The following DGKB variants were observed in gnomAD, a reference collection of about 807,000 sequenced individuals.
DGKB encodes the protein diacylglycerol kinase beta.
In DGKB, 67 loss-of-function variants were observed where a neutral mutation model predicts 114.3. The ratio of observed to expected loss-of-function variants is 0.59; its 90% CI spans 0.48 to 0.72. The LOEUF is 0.72. Among genes scored for constraint, DGKB ranks in the 30% least tolerant of loss-of-function variants. The pLI is 0.00. For synonymous variants in DGKB, 398 were observed against 323.1 expected, an observed-to-expected ratio of 1.23 and a Z score of -2.49; for missense variants, 907 against 975.2, an observed-to-expected ratio of 0.93 and a Z score of 0.93.
At chr7:14,880,603 C>T (rs545925013) in intron 1 of DGKB, among the ~76,000 whole-genome samples, 7 of 152,180 alleles carry the variant, frequency 4.6e-5, no homozygotes, top group Non-Finnish European at 8.8e-5. Context: ...ATTGCATCCT[C>T]ATGCCATAAG....
rs73287031 is a variant in DGKB at position 14,912,884 on chromosome 7, G to A, written c.-188+61812C>T. ...TGTCTCGTACAGAAAGCACTTCTCTGTTCCTTTTAAGTTATCCCTCATTAT... is the reference window on the plus strand; with the variant it reads ...TGTCTCGTACAGAAAGCACTTCTCTATTCCTTTTAAGTTATCCCTCATTAT... On this transcript the variant is annotated intron_variant, in intron 1 of 4. Transcript: ENST00000437998. 4.2e-3 allele frequency among the ~76,000 whole-genome samples: 641 copies of A among 152,204 alleles called. 8 individuals carry two copies. The highest frequency in any genetic ancestry group is 0.015 in the African/African-American group (605 of 41,536).
chr7:14,885,949 GA>G (rs1854986123), intron 1 of DGKB, among the ~76,000 whole-genome samples: 2 of 150,888 alleles, frequency 1.3e-5, no homozygotes, highest in South Asian at 2.1e-4. Flanking sequence ...GGCTAATTTA[GA>G]AAAAAATAAA....
At chr7:14,719,164 T>G (rs1585946768) in intron 5 of DGKB, among the ~76,000 whole-genome samples, 1 of 152,296 alleles carries the variant, frequency 6.6e-6, no homozygotes, top group East Asian at 1.9e-4. Context: ...GTTTCAAATA[T>G]TTGCCAATAC....
chr7:14,832,167 T>TA (rs1846509774), intron 2 of DGKB, among the ~76,000 whole-genome samples: 1 of 152,026 alleles, frequency 6.6e-6, no homozygotes, highest in Non-Finnish European at 1.5e-5. Context: ...TTGAGAAAAT[T>TA]AAAGTTTAGA....
chr7:14,600,883 A>T (rs568663286), intron 17 of DGKB, among the ~76,000 whole-genome samples: 1 of 152,246 alleles, frequency 6.6e-6, no homozygotes, highest in East Asian at 1.9e-4. Context: ...CACTTGTTAG[A>T]GTTGAATGCC....
At chr7:14,155,287 C>CCT (rs1782838640) in intron 25 of DGKB, among the ~76,000 whole-genome samples, 1 of 152,018 alleles carries the variant, frequency 6.6e-6, no homozygotes, top group Non-Finnish European at 1.5e-5. Context: ...TAGGTACCAG[C>CCT]CTACCTTATT....
chr7:14,230,844 G>GTTCAGT (rs1333079281), intron 23 of DGKB, among the ~76,000 whole-genome samples: 1 of 151,956 alleles, frequency 6.6e-6, no homozygotes, highest in Non-Finnish European at 1.5e-5. Flanking sequence ...TTACTACTAA[G>GTTCAGT]TCAAAGTACC....
At chr7:14,216,703 G>A (rs1584510686) in intron 23 of DGKB, among the ~76,000 whole-genome samples, 1 of 139,058 alleles carries the variant, frequency 7.2e-6, no homozygotes, top group African/African-American at 2.7e-5. Flanking sequence ...TCCAACCTGG[G>A]TGACAGAGCA....
At chr7:14,799,637 C>A (rs745984015) in intron 2 of DGKB, among the ~76,000 whole-genome samples, 1 of 152,084 alleles carries the variant, frequency 6.6e-6, no homozygotes, top group Admixed American at 6.5e-5. Context: ...GTACCTCTAA[C>A]GGGCCTATTT....
chr7:14,629,507 A>C (rs910830492), intron 14 of DGKB, among the ~76,000 whole-genome samples: 24 of 152,060 alleles, frequency 1.6e-4, no homozygotes, highest in African/African-American at 5.5e-4. Context: ...CATTCATATA[A>C]GCAATACTTT....
chr7:14,952,330 T>A (rs1786247434), intron 1 of DGKB, among the ~76,000 whole-genome samples: 1 of 152,036 alleles, frequency 6.6e-6, no homozygotes, highest in South Asian at 2.1e-4. Context: ...GGTACTTTGA[T>A]ATGACAGTCA....
intron 1 of DGKB, among the ~76,000 whole-genome samples, chr7:14,913,782 G>A (rs1490627935): frequency 6.6e-6 from 1 of 152,018 alleles, no homozygotes; most frequent in Non-Finnish European, 1.5e-5. Flanking sequence ...AACATATAAA[G>A]GGCATGGAAG....
chr7:14,361,058 C>T (rs1475501306), intron 21 of DGKB, among the ~76,000 whole-genome samples: 1 of 151,962 alleles, frequency 6.6e-6, no homozygotes, highest in Non-Finnish European at 1.5e-5. Context: ...TGAAGACTAC[C>T]ACAGCTTCAC....
intron 21 of DGKB, among the ~76,000 whole-genome samples, chr7:14,445,980 A>T (rs1319741327): frequency 1.3e-5 from 2 of 152,126 alleles, no homozygotes; most frequent in African/African-American, 4.8e-5. Context: ...TTTTACTTTT[A>T]AATTAAATTT....
chr7:14,346,285 A>G (rs1583315528), intron 21 of DGKB, among the ~76,000 whole-genome samples: 1 of 152,018 alleles, frequency 6.6e-6, no homozygotes, highest in East Asian at 1.9e-4. Context: ...ATTCAAGCCT[A>G]TTATTGGTTT....
intron 17 of DGKB, among the ~76,000 whole-genome samples, chr7:14,599,644 T>G (rs1803195781): frequency 6.6e-6 from 1 of 152,206 alleles, no homozygotes; most frequent in Admixed American, 6.5e-5. Flanking sequence ...GTTTATTAGT[T>G]TAATATATGT....
At chr7:14,402,565 A>G (rs986706967) in intron 21 of DGKB, among the ~76,000 whole-genome samples, 1 of 151,952 alleles carries the variant, frequency 6.6e-6, no homozygotes, top group Non-Finnish European at 1.5e-5. Context: ...TGTTATGACA[A>G]TATGAAATTT....
intron 4 of DGKB, among the ~76,000 whole-genome samples, chr7:14,743,555 A>G (rs1286677466): frequency 2.0e-5 from 3 of 152,180 alleles, no homozygotes; most frequent in African/African-American, 7.2e-5. Flanking sequence ...TAGAGCATCT[A>G]GAAGAAGAGA....
chr7:14,678,747 G>A (rs1406871803), intron 12 of DGKB, among the ~76,000 whole-genome samples: 1 of 151,982 alleles, frequency 6.6e-6, no homozygotes, highest in African/African-American at 2.4e-5. Flanking sequence ...AGTACCTTCT[G>A]TTAGGGAGAT....
Sources: allele counts gnomAD v4.1 joint callset (sites outside exome capture counted in the v4.1 genomes callset), GRCh38; gene constraint gnomAD v4.1.1; transcripts MANE v1.5; gene names NCBI Gene and HGNC (gene_info 2026-07-23, HGNC 2026-07-21).